Variants in RAP1GDS1 observed in about 807,000 individuals in gnomAD.
RAP1GDS1 encodes Rap1 GTPase-GDP dissociation stimulator 1, also known as RAP1, GTP-GDP dissociation stimulator 1.
In RAP1GDS1, 35 loss-of-function variants were observed where a neutral mutation model predicts 71.1. The ratio of observed to expected loss-of-function variants is 0.49; its 90% confidence interval spans 0.38 to 0.65. RAP1GDS1 has a LOEUF of 0.65. RAP1GDS1 is among the 30% of genes least tolerant of loss of function. RAP1GDS1 has a pLI of 0.00. For missense variants in RAP1GDS1, 663 were observed against 706.1 expected (o/e 0.94, Z 0.69); for synonymous variants, 229 against 243.1 (o/e 0.94, Z 0.54).
chr4:98,438,008 G>A (rs548876954), intron 14 of RAP1GDS1, among the ~76,000 whole-genome samples: 7 of 152,044 alleles, frequency 4.6e-5, no homozygotes, highest in Non-Finnish European at 5.9e-5. Context: ...GTCAATTGTC[G>A]AGAGGAAGGG....
intron 1 of RAP1GDS1, among the ~76,000 whole-genome samples, chr4:98,287,264 CTG>C (rs922089269): frequency 1.3e-5 from 2 of 152,068 alleles, no homozygotes; most frequent in African/African-American, 2.4e-5. Flanking sequence ...AAAAATAAAA[CTG>C]TATAAAATTC....
chr4:98,354,163 C>T (rs572878310), intron 4 of RAP1GDS1, among the ~76,000 whole-genome samples: 69 of 150,950 alleles, frequency 4.6e-4, no homozygotes, highest in East Asian at 1.2e-3. Context: ...CCCGGGTTCA[C>T]GCCATTCTCC....
At chr4:98,335,930 A>G (rs757550476) in intron 2 of RAP1GDS1, among the ~76,000 whole-genome samples, 21 of 151,978 alleles carry the variant, frequency 1.4e-4, no homozygotes, top group Non-Finnish European at 2.5e-4. Flanking sequence ...TAGATGCCCT[A>G]TTAAGAAGTG....
At chr4:98,323,789 A>G (rs1387533006) in intron 2 of RAP1GDS1, among the ~76,000 whole-genome samples, 1 of 151,610 alleles carries the variant, frequency 6.6e-6, no homozygotes, top group Admixed American at 6.6e-5. Context: ...AATAAGAGCT[A>G]TCTATGACAA....
At chr4:98,305,876 CAG>C (rs1339226374) in intron 2 of RAP1GDS1, among the ~76,000 whole-genome samples, 5 of 152,106 alleles carry the variant, frequency 3.3e-5, no homozygotes, top group Non-Finnish European at 5.9e-5. Context: ...GTTCCTAACA[CAG>C]AGAAAATGTG....
intron 2 of RAP1GDS1, among the ~76,000 whole-genome samples, chr4:98,324,240 A>T (rs1169892005): frequency 1.4e-5 from 2 of 147,920 alleles, no homozygotes. Flanking sequence ...TTCAAGGAGA[A>T]CTACAAACCA....
intron 5 of RAP1GDS1, among the ~76,000 whole-genome samples, chr4:98,389,850 A>ATCTTC (rs1743337292): frequency 1.3e-5 from 2 of 152,168 alleles, no homozygotes; most frequent in South Asian, 4.1e-4. Context: ...TTCTTCTGTT[A>ATCTTC]TCTTCTCCAT....
At chr4:98,281,766 A>G (rs1409525799) in intron 1 of RAP1GDS1, among the ~76,000 whole-genome samples, 2 of 152,154 alleles carry the variant, frequency 1.3e-5, no homozygotes, top group African/African-American at 2.4e-5. Context: ...AGCTCTTATT[A>G]TTTTGAGATA....
In RAP1GDS1 at chr4:98,354,744, A is replaced by T. The variant is rs1737707337; in HGVS notation, c.361+2143A>T. Reference sequence around the variant, plus strand: ...TTTCATTTTATTATGAATATTTATAACCAACTTATCCTCATTTAGTTCAAT... The same window carrying T: ...TTTCATTTTATTATGAATATTTATATCCAACTTATCCTCATTTAGTTCAAT... On this transcript the variant is annotated intron_variant, in intron 4 of 14. Coordinates refer to ENST00000408927, the MANE Select transcript of RAP1GDS1 (RefSeq NM_001100427.2). Among the ~76,000 whole-genome samples the T allele has an allele frequency of 1.3e-5, 2 of 152,138 alleles. 1 individual carries two copies. The highest frequency in any genetic ancestry group is 4.1e-4 in the South Asian group (2 of 4,828).
intron 4 of RAP1GDS1, among the ~76,000 whole-genome samples, chr4:98,376,674 G>A (rs538200366): frequency 5.3e-5 from 8 of 152,084 alleles, no homozygotes; most frequent in African/African-American, 1.9e-4. Flanking sequence ...CATTCCTATA[G>A]TGGTGGTTAA....
intron 4 of RAP1GDS1, among the ~76,000 whole-genome samples, chr4:98,364,389 T>C (rs1005423257): frequency 2.0e-5 from 3 of 152,136 alleles, no homozygotes; most frequent in Non-Finnish European, 4.4e-5. Context: ...AAGTGACTTA[T>C]CAGAATCAAC....
At position 98,307,678 on chromosome 4, in the gene RAP1GDS1, G is replaced by C. The variant is rs1189793281; in HGVS notation, c.112+14163G>C. 2.0e-5 allele frequency among the ~76,000 whole-genome samples: 3 copies of C among 152,076 alleles called. No homozygotes were observed. In the East Asian group the frequency reaches 5.8e-4, roughly 29 times the overall value. On this transcript the variant is annotated intron_variant, in intron 2 of 14. Transcript: ENST00000408927. ...TATAACTTCTAAGTGATTATTGTTA[G>C]AGATTATTGTGAAAGATGTCTTGAT...
At chr4:98,421,034 A>G (rs1340452664) in intron 11 of RAP1GDS1, among the ~76,000 whole-genome samples, 2 of 152,238 alleles carry the variant, frequency 1.3e-5, no homozygotes, top group African/African-American at 4.8e-5. Flanking sequence ...GCTTAACCAA[A>G]AGAGTATGAA....
chr4:98,349,918 T>A (rs1387240954), intron 3 of RAP1GDS1, among the ~76,000 whole-genome samples: 1 of 152,164 alleles, frequency 6.6e-6, no homozygotes, highest in Non-Finnish European at 1.5e-5. Context: ...ACTCTTTGTT[T>A]AAAAAAGTAA....
At chr4:98,365,186 G>A (rs968138876) in intron 4 of RAP1GDS1, among the ~76,000 whole-genome samples, 3 of 152,088 alleles carry the variant, frequency 2.0e-5, no homozygotes, top group African/African-American at 7.2e-5. Flanking sequence ...AATACCTAAG[G>A]AAACCCAATT....
At chr4:98,335,649 A>T (rs1050466773) in intron 2 of RAP1GDS1, among the ~76,000 whole-genome samples, 13 of 152,200 alleles carry the variant, frequency 8.5e-5, no homozygotes, top group African/African-American at 2.9e-4. Context: ...ATATTCTTTT[A>T]AAATGATATT....
At chr4:98,376,490 T>G (rs1311410862) in intron 4 of RAP1GDS1, among the ~76,000 whole-genome samples, 1 of 152,076 alleles carries the variant, frequency 6.6e-6, no homozygotes, top group African/African-American at 2.4e-5. Context: ...GAAAAATAAG[T>G]CAGTTGTAAG....
chr4:98,298,911 CT>C (rs896233409), intron 2 of RAP1GDS1, among the ~76,000 whole-genome samples: 27 of 151,558 alleles, frequency 1.8e-4, no homozygotes, highest in African/African-American at 4.8e-4. Flanking sequence ...AAAATATCAA[CT>C]TTTTTTTTAT....
chr4:98,319,723 G>A (rs905363918), intron 2 of RAP1GDS1, among the ~76,000 whole-genome samples: 2 of 146,944 alleles, frequency 1.4e-5, no homozygotes, highest in African/African-American at 5.1e-5. Context: ...GAAGGTTTCA[G>A]TGAGCCAAAA....
Sources: allele counts gnomAD v4.1 joint callset (sites outside exome capture counted in the v4.1 genomes callset), GRCh38; gene constraint gnomAD v4.1.1; transcripts MANE v1.5; gene names NCBI Gene and HGNC (gene_info 2026-07-23, HGNC 2026-07-21).